MICU3: variants seen among roughly 807,000 people sequenced by gnomAD.
The protein encoded by MICU3 is calcium uptake protein 3, mitochondrial.
Under a neutral mutation model 66.5 loss-of-function variants are expected in MICU3, and 62 were observed. The observed-to-expected ratio is 0.93, with a 90% CI of 0.76 to 1.15. MICU3 has a LOEUF of 1.15. Ranked by LOEUF, MICU3 falls within the 50% of genes most tolerant of loss-of-function variation. The pLI, the probability that MICU3 is intolerant of heterozygous loss-of-function variation, is 0.00. For missense variants in MICU3, 779 were observed against 664.4 expected (o/e 1.17, Z -1.90); for synonymous variants, 308 against 240.7 (o/e 1.28, Z -2.59).
At chr8:17,066,137 T>C (rs1818641829) in intron 2 of MICU3, among the ~76,000 whole-genome samples, 1 of 152,068 alleles carries the variant, frequency 6.6e-6, no homozygotes, top group Non-Finnish European at 1.5e-5. Context: ...TTTAATCCAT[T>C]TGGTACAATG....
intron 8 of MICU3, among the ~76,000 whole-genome samples, chr8:17,094,587 G>T (rs1800464829): frequency 1.3e-5 from 2 of 151,844 alleles, no homozygotes; most frequent in South Asian, 4.1e-4. Context: ...ATGTTATTTT[G>T]GCAATAAATA....
intron 1 of MICU3, among the ~76,000 whole-genome samples, chr8:17,037,170 C>T (rs778313322): frequency 1.7e-4 from 26 of 152,116 alleles, no homozygotes; most frequent in African/African-American, 4.3e-4. Flanking sequence ...AAGCGCCACA[C>T]GCAGCCCCAG....
downstream of MICU3, among the ~76,000 whole-genome samples, chr8:17,126,507 C>G (rs1437139426): frequency 6.6e-6 from 1 of 152,146 alleles, no homozygotes; most frequent in Admixed American, 6.5e-5. Flanking sequence ...TCTAATATAT[C>G]TGGAAGTACC....
At chr8:17,070,216 A>T (rs765736734) in intron 3 of MICU3, among the ~76,000 whole-genome samples, 1 of 152,090 alleles carries the variant, frequency 6.6e-6, no homozygotes, top group Non-Finnish European at 1.5e-5. Flanking sequence ...TAGATTATAT[A>T]TGATGGCCCC....
intron 9 of MICU3, chr8:17,102,667 G>C (rs972957767): frequency 1.3e-5 from 2 of 151,906 alleles, no homozygotes; most frequent in Non-Finnish European, 2.9e-5. Context: ...CCACAAGACT[G>C]GCACCACTAA....
intron 1 of MICU3, among the ~76,000 whole-genome samples, chr8:17,062,934 T>C (rs1286544165): frequency 6.6e-6 from 1 of 152,064 alleles, no homozygotes; most frequent in African/African-American, 2.4e-5. Flanking sequence ...CTGAATATTT[T>C]CAAGGTTGGT....
chr8:17,041,461 G>A (rs1814079468), intron 1 of MICU3, among the ~76,000 whole-genome samples: 1 of 152,160 alleles, frequency 6.6e-6, no homozygotes, highest in African/African-American at 2.4e-5. Flanking sequence ...GTGATAATCA[G>A]ATTACAGTTG....
chr8:17,091,272 G>T (rs369995128), intron 8 of MICU3, among the ~76,000 whole-genome samples: 2 of 152,074 alleles, frequency 1.3e-5, no homozygotes, highest in South Asian at 4.1e-4. Context: ...AGCACTTTTG[G>T]TTAGCCCAGC....
chr8:17,119,532 C>CATAGATAGATAG (rs10524011), intron 14 of MICU3, among the ~76,000 whole-genome samples: 199 of 124,144 alleles, frequency 1.6e-3, no homozygotes, highest in Non-Finnish European at 1.9e-3. Context: ...AAGCTTGAAG[C>CATAGATAGATAG]ATAGATAGAT....
chr8:17,134,649 T>C, the MICU3 span, among the ~76,000 whole-genome samples: 1 of 152,184 alleles, frequency 6.6e-6, no homozygotes. Context: ...TTTCACCATG[T>C]TAGCCAGGAT....
intron 1 of MICU3, among the ~76,000 whole-genome samples, chr8:17,051,741 G>T (rs150642885): frequency 1.3e-5 from 2 of 152,282 alleles, no homozygotes; most frequent in East Asian, 3.9e-4. Context: ...TGATGACCTT[G>T]ACAAGCAGTT....
At chr8:17,082,871 G>C (rs17624922) in intron 5 of MICU3, among the ~76,000 whole-genome samples, 54 of 152,140 alleles carry the variant, frequency 3.5e-4, no homozygotes, top group African/African-American at 1.3e-3. Context: ...TGAGAACAAG[G>C]AATGTGTACA....
chr8:17,126,682 A>C (rs554912739), downstream of MICU3, among the ~76,000 whole-genome samples: 6 of 152,240 alleles, frequency 3.9e-5, no homozygotes, highest in African/African-American at 1.4e-4. Context: ...GGAATAAATC[A>C]TGAAGGCTAT....
intron 1 of MICU3, among the ~76,000 whole-genome samples, chr8:17,044,676 C>T (rs1024340401): frequency 6.6e-6 from 1 of 152,232 alleles, no homozygotes; most frequent in African/African-American, 2.4e-5. Flanking sequence ...TCCCTTTCCA[C>T]ATGTCCTCAC....
At chr8:17,047,507 A>T (rs1284351399) in intron 1 of MICU3, among the ~76,000 whole-genome samples, 1 of 152,228 alleles carries the variant, frequency 6.6e-6, no homozygotes, top group African/African-American at 2.4e-5. Flanking sequence ...TCAGATTCAT[A>T]TGTCCTGAGC....
chr8:17,098,647 G>A, intron 9 of MICU3, 94 bp downstream of exon 9: 1 of 809,460 alleles, frequency 1.2e-6, no homozygotes. Flanking sequence ...AACCCAACAT[G>A]TATGTTACAT....
chr8:17,118,870 T>C (rs577205053), intron 14 of MICU3, 95 bp downstream of exon 14: 2 of 678,518 alleles, frequency 2.9e-6, no homozygotes, highest in South Asian at 2.6e-5. Context: ...CTGAAAGAAA[T>C]AGAATTATCT....
chr8:17,067,223 A>G (rs1818861287), intron 2 of MICU3, among the ~76,000 whole-genome samples: 1 of 152,188 alleles, frequency 6.6e-6, no homozygotes, highest in Non-Finnish European at 1.5e-5. Context: ...CTGTAGCGTA[A>G]TGAAATTTGA....
chr8:17,057,825 T>C (rs1270144210), intron 1 of MICU3, among the ~76,000 whole-genome samples: 1 of 151,500 alleles, frequency 6.6e-6, no homozygotes, highest in African/African-American at 2.4e-5. Flanking sequence ...TTTCGTTTTT[T>C]GTTGTTGTTC....
Sources: allele counts gnomAD v4.1 joint callset (sites outside exome capture counted in the v4.1 genomes callset), GRCh38; gene constraint gnomAD v4.1.1; transcripts MANE v1.5; gene names NCBI Gene and HGNC (gene_info 2026-07-23, HGNC 2026-07-21).